The following MTHFD2L variants were observed in gnomAD, a reference collection of about 807,000 sequenced individuals.
The protein encoded by MTHFD2L is bifunctional methylenetetrahydrofolate dehydrogenase/cyclohydrolase 2, mitochondrial.
In MTHFD2L, 29 loss-of-function variants were observed where a neutral mutation model predicts 34.9. That is an observed-to-expected ratio of 0.83 (90% CI 0.62 to 1.13). MTHFD2L has a LOEUF of 1.13. Ranked by LOEUF, MTHFD2L falls within the 50% of genes most tolerant of loss-of-function variation. MTHFD2L has a pLI of 0.00. For missense variants in MTHFD2L, 481 were observed against 446.5 expected, an observed-to-expected ratio of 1.08 and a Z score of -0.70; for synonymous variants, 167 against 155.7, an observed-to-expected ratio of 1.07 and a Z score of -0.54.
intron 3 of MTHFD2L, among the ~76,000 whole-genome samples, chr4:74,180,106 CT>C (rs1467961452): frequency 3.9e-5 from 6 of 152,062 alleles, no homozygotes; most frequent in African/African-American, 1.4e-4. Flanking sequence ...TATGAAAAAA[CT>C]GGCAAAGACA....
intron 6 of MTHFD2L, among the ~76,000 whole-genome samples, chr4:74,269,997 G>A (rs1745751449): frequency 6.6e-6 from 1 of 152,040 alleles, no homozygotes; most frequent in South Asian, 2.1e-4. Flanking sequence ...ATTCAAATTT[G>A]CTACCATGGA....
chr4:74,301,358 A>G (rs987114890), intron 7 of MTHFD2L, among the ~76,000 whole-genome samples: 2 of 152,060 alleles, frequency 1.3e-5, no homozygotes, highest in African/African-American at 2.4e-5. Flanking sequence ...TGTGACCAGT[A>G]TCATGTATTT....
intron 6 of MTHFD2L, among the ~76,000 whole-genome samples, chr4:74,236,572 T>C (rs963606782): frequency 6.6e-6 from 1 of 152,254 alleles, no homozygotes; most frequent in African/African-American, 2.4e-5. Flanking sequence ...AGGCAACTTA[T>C]GACACGCCAG....
intron 1 of MTHFD2L, among the ~76,000 whole-genome samples, chr4:74,144,346 G>A (rs1463583763): frequency 2.0e-5 from 3 of 152,200 alleles, no homozygotes; most frequent in South Asian, 2.1e-4. Context: ...CCAGCTGCTC[G>A]GGAGGCTGAG....
intron 1 of MTHFD2L, among the ~76,000 whole-genome samples, chr4:74,126,480 C>T (rs750381668): frequency 3.9e-5 from 6 of 151,968 alleles, no homozygotes; most frequent in Non-Finnish European, 5.9e-5. Context: ...CATGAGTCTT[C>T]CAATATCCAC....
chr4:74,135,269 A>G (rs1216828197), intron 1 of MTHFD2L, among the ~76,000 whole-genome samples: 1 of 152,018 alleles, frequency 6.6e-6, no homozygotes, highest in Non-Finnish European at 1.5e-5. Flanking sequence ...CCAGAATAAG[A>G]AAAAAAGAGA....
rs1202930953 is a variant in MTHFD2L, at chr4:74,175,341, T to A, written c.389T>A (p.Val130Glu). 2 of 1,613,210 alleles carry A rather than the reference T, an allele frequency of 1.2e-6. No homozygotes were observed. The highest frequency in any genetic ancestry group is 1.3e-5 in the African/African-American group (1 of 74,900). Reference protein sequence around the residue: ...KDVSQEELLDVTDQLNMDPRV... With the variant: ...KDVSQEELLDETDQLNMDPRV... The stretch of plus-strand genomic sequence containing the variant: ...GTTTCTCAGGAAGAACTTTTGGACG[T>A]AACTGATCAATTGAATATGGACCCA... Residue 130 changes from valine to glutamate, a missense_variant, in exon 3 of 8, where the codon GTA (valine) becomes GAA (glutamate). Transcript: ENST00000325278.
At chr4:74,256,742 A>G (rs542011161) in intron 6 of MTHFD2L, among the ~76,000 whole-genome samples, 21 of 152,332 alleles carry the variant, frequency 1.4e-4, no homozygotes, top group African/African-American at 4.8e-4. Context: ...ACTATTTGCT[A>G]TAATCAAATA....
At chr4:74,144,446 G>A (rs115455141) in intron 1 of MTHFD2L, among the ~76,000 whole-genome samples, 1,654 of 152,104 alleles carry the variant, frequency 0.011, 24 homozygotes, top group African/African-American at 0.038. Flanking sequence ...AGGTGAGACT[G>A]TCTCAAAAAA....
At chr4:74,243,741 C>T (rs2110176623) in intron 6 of MTHFD2L, among the ~76,000 whole-genome samples, 1 of 152,172 alleles carries the variant, frequency 6.6e-6, no homozygotes, top group South Asian at 2.1e-4. Flanking sequence ...TCTCCCAAAA[C>T]AAAGCTTGCA....
intron 3 of MTHFD2L, among the ~76,000 whole-genome samples, chr4:74,188,826 G>A (rs1397336891): frequency 6.7e-6 from 1 of 149,346 alleles, no homozygotes; most frequent in Non-Finnish European, 1.5e-5. Flanking sequence ...GTATATATAT[G>A]GGTATATATA....
At chr4:74,165,055 C>T in intron 1 of MTHFD2L, 1 of 913,584 alleles carries the variant, frequency 1.1e-6, no homozygotes, top group Middle Eastern at 5.6e-4. Flanking sequence ...ATTTTTTTGG[C>T]CAAACTAGCA....
intron 5 of MTHFD2L, among the ~76,000 whole-genome samples, chr4:74,219,445 G>A (rs558755978): frequency 4.0e-4 from 61 of 152,150 alleles, no homozygotes; most frequent in African/African-American, 1.3e-3. Flanking sequence ...TACCTGCTGC[G>A]ACTTGCTAGT....
chr4:74,157,314 C>A, upstream of MTHFD2L: 1 of 258,934 alleles, frequency 3.9e-6, no homozygotes, highest in Non-Finnish European at 7.6e-6. Context: ...CAGCAGCAGC[C>A]TGACCTTGGG....
At chr4:74,266,390 A>C (rs1745289976) in intron 6 of MTHFD2L, among the ~76,000 whole-genome samples, 1 of 152,208 alleles carries the variant, frequency 6.6e-6, no homozygotes, top group Non-Finnish European at 1.5e-5. Flanking sequence ...CCTTAGGTAC[A>C]CAGGAAATGC....
At chr4:74,210,312 T>G (rs945859094) in intron 5 of MTHFD2L, among the ~76,000 whole-genome samples, 4 of 152,236 alleles carry the variant, frequency 2.6e-5, no homozygotes, top group Non-Finnish European at 2.9e-5. Flanking sequence ...CTATGGCTTT[T>G]ATGGTTTTAG....
chr4:74,138,458 G>A (rs1249960646), intron 1 of MTHFD2L, among the ~76,000 whole-genome samples: 1 of 152,132 alleles, frequency 6.6e-6, no homozygotes, highest in Non-Finnish European at 1.5e-5. Flanking sequence ...TGCGGTGAGT[G>A]TTACAACTCT....
At chr4:74,170,445 C>T (rs1304582626) in intron 1 of MTHFD2L, among the ~76,000 whole-genome samples, 1 of 152,116 alleles carries the variant, frequency 6.6e-6, no homozygotes, top group Non-Finnish European at 1.5e-5. Context: ...TAAAAATAGA[C>T]ATAAATCATA....
chr4:74,157,824 G>A, upstream of MTHFD2L: 1 of 554,082 alleles, frequency 1.8e-6, no homozygotes, highest in East Asian at 4.3e-5. Flanking sequence ...TCTCTGTGCC[G>A]TCGCTATGGG....
Sources: gnomAD v4.1 joint callset for allele counts (sites outside exome capture counted in the v4.1 genomes callset) on GRCh38, gnomAD v4.1.1 for gene constraint, MANE v1.5 for transcripts, NCBI Gene and HGNC (gene_info 2026-07-23, HGNC 2026-07-21) for gene names.